Variants in HMBOX1 observed in about 807,000 individuals in gnomAD.
The protein encoded by HMBOX1 is homeobox-containing protein 1.
A neutral mutation model predicts 54.5 loss-of-function variants in HMBOX1; 14 were observed. That is an observed-to-expected ratio of 0.26 (90% CI 0.17 to 0.40). The LOEUF is 0.40. HMBOX1 is among the 10% of genes least tolerant of loss of function. The pLI is 1.00. For missense variants in HMBOX1, 332 were observed against 514.4 expected (o/e 0.65, Z 3.43); for synonymous variants, 160 against 181.0 (o/e 0.88, Z 0.93).
At chr8:28,933,686 T>C (rs1232538648) in intron 1 of HMBOX1, among the ~76,000 whole-genome samples, 1 of 152,188 alleles carries the variant, frequency 6.6e-6, no homozygotes, top group Non-Finnish European at 1.5e-5. Flanking sequence ...TTCCTGTAAA[T>C]TTGACAACTT....
intron 1 of HMBOX1, among the ~76,000 whole-genome samples, chr8:28,918,267 G>A (rs1041642331): frequency 1.3e-5 from 2 of 152,090 alleles, no homozygotes; most frequent in African/African-American, 2.4e-5. Context: ...GCAGTGGCGC[G>A]ATCTCGGCTC....
intron 1 of HMBOX1, among the ~76,000 whole-genome samples, chr8:28,895,227 C>T (rs1811877391): frequency 6.6e-6 from 1 of 152,160 alleles, no homozygotes; most frequent in Non-Finnish European, 1.5e-5. Flanking sequence ...ATATTAGTAG[C>T]CTCATTACTG....
chr8:28,973,811 T>TTTTTTTTTTTTTTG (rs1827874516), intron 3 of HMBOX1, among the ~76,000 whole-genome samples: 13 of 21,834 alleles, frequency 6.0e-4, no homozygotes, highest in African/African-American at 1.6e-3. Context: ...GAGTTTTTTT[T>TTTTTTTTTTTTTTG]TTTTTTTTTT....
chr8:28,898,285 A>G (rs898873386), intron 1 of HMBOX1, among the ~76,000 whole-genome samples: 1 of 152,200 alleles, frequency 6.6e-6, no homozygotes, highest in Admixed American at 6.5e-5. Flanking sequence ...GGAATATGAC[A>G]AATATTGATG....
intron 1 of HMBOX1, among the ~76,000 whole-genome samples, chr8:28,936,128 C>G (rs934350138): frequency 6.6e-6 from 1 of 152,060 alleles, no homozygotes; most frequent in Non-Finnish European, 1.5e-5. Flanking sequence ...AAAGATGTCT[C>G]TTTTTCACAA....
intron 1 of HMBOX1, among the ~76,000 whole-genome samples, chr8:28,921,333 C>G (rs1473656510): frequency 2.0e-5 from 3 of 152,232 alleles, no homozygotes; most frequent in African/African-American, 7.2e-5. Context: ...GAGACCCTGT[C>G]TCAATCATAC....
At chr8:28,989,052 C>T (rs1830557690) in intron 4 of HMBOX1, among the ~76,000 whole-genome samples, 1 of 152,062 alleles carries the variant, frequency 6.6e-6, no homozygotes, top group Non-Finnish European at 1.5e-5. Flanking sequence ...GCGGGCGAAT[C>T]ACAGGAGGTC....
intron 2 of HMBOX1, among the ~76,000 whole-genome samples, chr8:28,968,085 T>G (rs528786535): frequency 6.6e-6 from 1 of 152,360 alleles, no homozygotes; most frequent in Admixed American, 6.5e-5. Context: ...GTAATGCAGA[T>G]TCATATGGAA....
At chr8:29,006,852 A>G (rs557313889) in intron 4 of HMBOX1, among the ~76,000 whole-genome samples, 22 of 152,270 alleles carry the variant, frequency 1.4e-4, no homozygotes, top group African/African-American at 5.3e-4. Context: ...AGCTGATAAT[A>G]TATTTTTTCT....
intron 1 of HMBOX1, among the ~76,000 whole-genome samples, chr8:28,931,229 C>T (rs1819418749): frequency 6.6e-6 from 1 of 152,056 alleles, no homozygotes; most frequent in East Asian, 1.9e-4. Flanking sequence ...TGAAAAATAA[C>T]AAGTGTAGAA....
chr8:28,903,886 T>C (rs1012047979), intron 1 of HMBOX1, among the ~76,000 whole-genome samples: 3 of 152,220 alleles, frequency 2.0e-5, no homozygotes, highest in Admixed American at 2.0e-4. Context: ...TTTTGCAACA[T>C]TTGGAGACAT....
chr8:28,946,199 C>T (rs1162887800), intron 1 of HMBOX1, among the ~76,000 whole-genome samples: 6 of 151,880 alleles, frequency 4.0e-5, no homozygotes, highest in Non-Finnish European at 7.4e-5. Context: ...GTGATCCACC[C>T]GCCTCGGCTT....
At chr8:28,994,995 C>G (rs974591987) in intron 4 of HMBOX1, among the ~76,000 whole-genome samples, 1 of 152,014 alleles carries the variant, frequency 6.6e-6, no homozygotes, top group Non-Finnish European at 1.5e-5. Flanking sequence ...CCAGCAAAGA[C>G]AATAAAATAA....
intron 4 of HMBOX1, among the ~76,000 whole-genome samples, chr8:28,999,310 C>A (rs1229673089): frequency 1.3e-5 from 2 of 152,138 alleles, no homozygotes; most frequent in African/African-American, 4.8e-5. Flanking sequence ...CTTGACACTT[C>A]AAGATTTTTC....
At chr8:28,930,805 T>C (rs376312671) in intron 1 of HMBOX1, among the ~76,000 whole-genome samples, 1 of 152,216 alleles carries the variant, frequency 6.6e-6, no homozygotes, top group Admixed American at 6.5e-5. Context: ...TTGTAACATA[T>C]ATTTTTTATA....
intron 5 of HMBOX1, among the ~76,000 whole-genome samples, chr8:29,013,167 AGCTCT>A (rs1834432635): frequency 6.6e-6 from 1 of 152,132 alleles, no homozygotes; most frequent in South Asian, 2.1e-4. Flanking sequence ...GACAGAGTCT[AGCTCT>A]GCCACCAGGC....
rs116845381 is a variant in HMBOX1, at chr8:29,028,087, A to T, written c.851+9174A>T. Among the ~76,000 whole-genome samples the T allele has an allele frequency of 2.5e-3, 387 of 152,260 alleles. 15 individuals carry two copies. The East Asian group carries it at 0.064, about 25-fold the overall frequency. On this transcript the variant is annotated intron_variant, in intron 6 of 9. Coordinates refer to ENST00000287701, the MANE Select transcript of HMBOX1 (RefSeq NM_001135726.3). Reference sequence around the variant, plus strand: ...CCCTGTCAGTCTCCAAAACAGCTTTAAAAAATTAATCCAAAATATTCTCCC... The same window carrying T: ...CCCTGTCAGTCTCCAAAACAGCTTTTAAAAATTAATCCAAAATATTCTCCC...
chr8:29,029,229 A>G (rs548793465), intron 6 of HMBOX1, among the ~76,000 whole-genome samples: 1 of 152,318 alleles, frequency 6.6e-6, no homozygotes, highest in East Asian at 1.9e-4. Context: ...TATATCCTTC[A>G]TTATTTTGTA....
At chr8:28,993,665 T>C (rs930415762) in intron 4 of HMBOX1, among the ~76,000 whole-genome samples, 1 of 152,110 alleles carries the variant, frequency 6.6e-6, no homozygotes, top group African/African-American at 2.4e-5. Context: ...TAAAAAAAAA[T>C]TCCAGCACCA....
Sources: gnomAD v4.1 joint callset for allele counts (sites outside exome capture counted in the v4.1 genomes callset) on GRCh38, gnomAD v4.1.1 for gene constraint, MANE v1.5 for transcripts, NCBI Gene and HGNC (gene_info 2026-07-23, HGNC 2026-07-21) for gene names.